The following SPIN1 variants were observed in gnomAD, a reference collection of about 807,000 sequenced individuals.
SPIN1 encodes spindlin-1.
In SPIN1, 3 loss-of-function variants were observed where a neutral mutation model predicts 26.0. That is an observed-to-expected ratio of 0.12 (90% CI 0.05 to 0.30). The LOEUF (loss-of-function observed/expected upper bound fraction) is 0.30, where lower values mean the gene tolerates loss of function less well. SPIN1 is among the 10% of genes least tolerant of loss of function. The pLI, the probability that SPIN1 is intolerant of heterozygous loss-of-function variation, is 1.00. For synonymous variants in SPIN1, 101 were observed against 116.5 expected (o/e 0.87, Z 0.86); for missense variants, 126 against 333.4 (o/e 0.38, Z 4.84).
chr9:88,455,116 A>G (rs1828445033), intron 3 of SPIN1, among the ~76,000 whole-genome samples: 1 of 152,238 alleles, frequency 6.6e-6, no homozygotes, highest in African/African-American at 2.4e-5. Flanking sequence ...ATCTATTTTT[A>G]TATATAATTT....
chr9:88,468,345 C>CTTTTT, intron 4 of SPIN1, 27 bp from the exon 5 acceptor site: 8 of 1,318,600 alleles, frequency 6.1e-6, no homozygotes, highest in Non-Finnish European at 7.0e-6. Flanking sequence ...ACTTTGTCAA[C>CTTTTT]TTTTTTTTTT....
chr9:88,406,735 C>T (rs537559732), intron 1 of SPIN1, among the ~76,000 whole-genome samples: 1 of 152,148 alleles, frequency 6.6e-6, no homozygotes, highest in African/African-American at 2.4e-5. Context: ...TTACCTTTTC[C>T]TGTCCTTTCT....
intron 1 of SPIN1, chr9:88,419,049 G>C (rs1827625320): frequency 6.6e-6 from 1 of 152,180 alleles, no homozygotes; most frequent in South Asian, 2.1e-4. Flanking sequence ...TTTAAGATTA[G>C]TAAAATTGCA....
intron 4 of SPIN1, among the ~76,000 whole-genome samples, chr9:88,467,000 G>A (rs1828682870): frequency 6.6e-6 from 1 of 152,198 alleles, no homozygotes; most frequent in Non-Finnish European, 1.5e-5. Context: ...GACTCCCAAA[G>A]TGCTAGGATT....
intron 2 of SPIN1, among the ~76,000 whole-genome samples, chr9:88,447,313 C>T (rs1828271287): frequency 2.0e-5 from 3 of 151,964 alleles, no homozygotes; most frequent in Admixed American, 1.3e-4. Flanking sequence ...TTGTCAATGT[C>T]CTTACCTGCT....
At chr9:88,414,212 A>G (rs1448096058) in intron 1 of SPIN1, among the ~76,000 whole-genome samples, 1 of 152,164 alleles carries the variant, frequency 6.6e-6, no homozygotes, top group African/African-American at 2.4e-5. Context: ...AGCATGATCC[A>G]TTGAATCATT....
At chr9:88,434,946 G>A (rs765852016) in intron 2 of SPIN1, among the ~76,000 whole-genome samples, 12 of 151,794 alleles carry the variant, frequency 7.9e-5, no homozygotes, top group Admixed American at 6.6e-4. Flanking sequence ...CCACTACTTG[G>A]GAGGCTGAGG....
At chr9:88,436,184 C>T (rs533022904) in intron 2 of SPIN1, among the ~76,000 whole-genome samples, 20 of 152,154 alleles carry the variant, frequency 1.3e-4, no homozygotes, top group Non-Finnish European at 8.8e-5. Context: ...ATCCTCCTGC[C>T]TCAGCCACCC....
intron 2 of SPIN1, among the ~76,000 whole-genome samples, chr9:88,427,307 CTATT>C (rs967715180): frequency 2.0e-5 from 3 of 152,060 alleles, no homozygotes; most frequent in South Asian, 2.1e-4. Context: ...ACAATTTCTT[CTATT>C]TATTTACTGT....
At chr9:88,392,586 CTCTCT>C (rs1246818477) in intron 1 of SPIN1, among the ~76,000 whole-genome samples, 1 of 151,940 alleles carries the variant, frequency 6.6e-6, no homozygotes, top group South Asian at 2.1e-4. Flanking sequence ...CTCTCCTCTC[CTCTCT>C]TCTCCTTCCT....
chr9:88,426,695 T>A (rs952352544), intron 2 of SPIN1, 104 bp downstream of exon 2: 1 of 996,204 alleles, frequency 1.0e-6, no homozygotes, highest in African/African-American at 1.6e-5. Context: ...GTGAAAAACT[T>A]TGTCATTTCT....
chr9:88,464,110 C>G (rs935350806), intron 4 of SPIN1, among the ~76,000 whole-genome samples: 3 of 152,166 alleles, frequency 2.0e-5, no homozygotes, highest in African/African-American at 7.2e-5. Flanking sequence ...GGTATTATCT[C>G]TGTTTCCAAC....
In SPIN1 at chr9:88,448,928, ATC is replaced by A. The variant is rs1828306712; in HGVS notation, c.53-7_53-6del. On this transcript the variant is annotated splice_polypyrimidine_tract_variant and intron_variant, in intron 2 of 5. Coordinates refer to ENST00000375859, the MANE Select transcript of SPIN1 (RefSeq NM_006717.3). ...TCTGGTTTTCATTGACTATATACTC[ATC>A]TCTCTTACAGGCCATGCTGGAGTAT... 3 of 1,612,804 alleles carry A rather than the reference ATC, an allele frequency of 1.9e-6. No individual in the cohort carries two copies. Among genetic ancestry groups the A allele is most frequent in the Non-Finnish European group, 2.5e-6 (3 of 1,179,504 alleles).
intron 3 of SPIN1, among the ~76,000 whole-genome samples, chr9:88,461,763 A>G (rs1189203808): frequency 6.6e-6 from 1 of 152,208 alleles, no homozygotes; most frequent in Non-Finnish European, 1.5e-5. Flanking sequence ...TTTTCCTGAT[A>G]TCAAGAGCCA....
At chr9:88,450,367 A>G (rs199998860) in intron 3 of SPIN1, among the ~76,000 whole-genome samples, 2 of 152,238 alleles carry the variant, frequency 1.3e-5, no homozygotes, top group East Asian at 3.9e-4. Flanking sequence ...GTTAAGTTAA[A>G]GGCTTATAGA....
At chr9:88,405,575 C>G (rs1827283265) in intron 1 of SPIN1, among the ~76,000 whole-genome samples, 2 of 120,782 alleles carry the variant, frequency 1.7e-5, no homozygotes, top group Admixed American at 1.8e-4. Flanking sequence ...CAGAGTTTCG[C>G]TCTCGTTACC....
chr9:88,418,772 A>G (rs959136256), intron 1 of SPIN1: 14 of 152,140 alleles, frequency 9.2e-5, no homozygotes, highest in Non-Finnish European at 1.9e-4. Context: ...GTTTATTTTT[A>G]AATAGGAAGT....
intron 4 of SPIN1, among the ~76,000 whole-genome samples, chr9:88,467,577 C>T (rs768461406): frequency 4.8e-4 from 73 of 152,086 alleles, no homozygotes; most frequent in Non-Finnish European, 1.8e-4. Context: ...GAGTAGAGAA[C>T]GCATGAACAA....
chr9:88,441,428 C>CGCGCGCGCGCG (rs1828125461), intron 2 of SPIN1, among the ~76,000 whole-genome samples: 1 of 91,774 alleles, frequency 1.1e-5, no homozygotes, highest in African/African-American at 1.4e-4. Flanking sequence ...CGCGCGCGCG[C>CGCGCGCGCGCG]CCATGTGTGT....
Sources: allele counts gnomAD v4.1 joint callset (sites outside exome capture counted in the v4.1 genomes callset), GRCh38; gene constraint gnomAD v4.1.1; transcripts MANE v1.5; gene names NCBI Gene and HGNC (gene_info 2026-07-23, HGNC 2026-07-21).